Variants in AKAP10 observed in about 807,000 individuals in gnomAD.
AKAP10 encodes A-kinase anchor protein 10, mitochondrial.
A neutral mutation model predicts 80.8 loss-of-function variants in AKAP10; 24 were observed. The ratio of observed to expected loss-of-function variants is 0.30; its 90% confidence interval spans 0.22 to 0.42. AKAP10 has a LOEUF of 0.42. AKAP10 is among the 10% of genes least tolerant of loss of function. The pLI is 1.00. For synonymous variants in AKAP10, 291 were observed against 277.7 expected (o/e 1.05, Z -0.48); for missense variants, 661 against 794.9 (o/e 0.83, Z 2.03).
intron 5 of AKAP10, among the ~76,000 whole-genome samples, chr17:19,946,248 T>TA (rs1158994804): frequency 5.5e-5 from 1 of 18,170 alleles, no homozygotes; most frequent in African/African-American, 2.5e-4. Flanking sequence ...TATATATATA[T>TA]ATATATATAT....
chr17:19,918,928 T>G (rs1054879039), intron 12 of AKAP10, among the ~76,000 whole-genome samples: 5 of 152,244 alleles, frequency 3.3e-5, no homozygotes, highest in African/African-American at 7.2e-5. Flanking sequence ...TATATTTATT[T>G]TTTTTAAATT....
At chr17:19,932,008 G>T in intron 9 of AKAP10, 30 bp from the exon 10 acceptor site, 1 of 1,580,652 alleles carries the variant, frequency 6.3e-7, no homozygotes, top group Non-Finnish European at 8.6e-7. Flanking sequence ...TTATTTTAAA[G>T]TTGAAATCAA....
intron 12 of AKAP10, among the ~76,000 whole-genome samples, chr17:19,912,707 T>C (rs936016861): frequency 6.6e-6 from 1 of 152,158 alleles, no homozygotes; most frequent in African/African-American, 2.4e-5. Flanking sequence ...AGAGCAAGAC[T>C]GTCTCAAAAA....
intron 11 of AKAP10, 121 bp from the exon 12 acceptor site, chr17:19,920,239 C>T (rs2042795161): frequency 1.5e-6 from 1 of 662,458 alleles, no homozygotes; most frequent in Non-Finnish European, 2.6e-6. Flanking sequence ...TTATAGCTAT[C>T]CTAAGTAATT....
chr17:19,973,511 T>C (rs1363066208), intron 1 of AKAP10, among the ~76,000 whole-genome samples: 1 of 152,240 alleles, frequency 6.6e-6, no homozygotes, highest in East Asian at 1.9e-4. Flanking sequence ...CAGTCTATCT[T>C]TTCCCAACTA....
At chr17:19,908,801 G>A (rs1010139187) in intron 14 of AKAP10, among the ~76,000 whole-genome samples, 2 of 151,900 alleles carry the variant, frequency 1.3e-5, no homozygotes, top group South Asian at 2.1e-4. Flanking sequence ...CACCACACCC[G>A]GCTAAGACAG....
intron 12 of AKAP10, among the ~76,000 whole-genome samples, chr17:19,914,628 CAAAAAAAAAAAAAA>C (rs36071856): frequency 3.4e-5 from 2 of 58,514 alleles, no homozygotes; most frequent in Non-Finnish European, 6.5e-5. Context: ...GACCCTATCT[CAAAAAAAAAAAAAA>C]AAAAAAAAGA....
At chr17:19,932,108 C>T (rs1418475259) in intron 9 of AKAP10, 130 bp from the exon 10 acceptor site, 1 of 831,284 alleles carries the variant, frequency 1.2e-6, no homozygotes, top group Non-Finnish European at 1.8e-6. Flanking sequence ...GTTTTTACTT[C>T]TTGTTGTACT....
chr17:19,919,290 G>A (rs2042784909), intron 12 of AKAP10, among the ~76,000 whole-genome samples: 1 of 152,052 alleles, frequency 6.6e-6, no homozygotes, highest in Admixed American at 6.6e-5. Flanking sequence ...TATCCATGGT[G>A]TATATGTGCC....
At chr17:19,947,211 G>C in intron 5 of AKAP10, 196 bp downstream of exon 5, 1 of 548,906 alleles carries the variant, frequency 1.8e-6, no homozygotes, top group Non-Finnish European at 3.2e-6. Context: ...CCCAGGCAAA[G>C]ACCCTCGCAC....
At chr17:19,936,038 A>G in intron 9 of AKAP10, 1 of 337,026 alleles carries the variant, frequency 3.0e-6, no homozygotes, top group Non-Finnish European at 5.3e-6. Flanking sequence ...TTTTGTTATT[A>G]TTGCACTACC....
chr17:19,962,449 T>G (rs1179557067), intron 3 of AKAP10, among the ~76,000 whole-genome samples: 1 of 152,166 alleles, frequency 6.6e-6, no homozygotes, highest in Non-Finnish European at 1.5e-5. Flanking sequence ...CAGATTATAT[T>G]ATCACTAAAT....
At chr17:19,969,096 C>T (rs1014517279) in intron 1 of AKAP10, among the ~76,000 whole-genome samples, 1 of 152,180 alleles carries the variant, frequency 6.6e-6, no homozygotes, top group Non-Finnish European at 1.5e-5. Flanking sequence ...GTAATTCCAG[C>T]ACTTTGGGAT....
chr17:19,966,564 G>A (rs539671066), intron 2 of AKAP10, among the ~76,000 whole-genome samples: 1 of 132,112 alleles, frequency 7.6e-6, no homozygotes, highest in South Asian at 2.3e-4. Flanking sequence ...CATCTTGAGG[G>A]GCTGTTTCTT....
At chr17:19,921,731 C>T (rs532526344) in intron 11 of AKAP10, among the ~76,000 whole-genome samples, 2 of 151,624 alleles carry the variant, frequency 1.3e-5, no homozygotes, top group South Asian at 4.2e-4. Flanking sequence ...TACAAAGAAG[C>T]ATATAAAAAG....
intron 9 of AKAP10, among the ~76,000 whole-genome samples, chr17:19,933,454 CCTAA>C (rs1597501194): frequency 6.6e-6 from 1 of 152,098 alleles, no homozygotes; most frequent in East Asian, 1.9e-4. Flanking sequence ...TTTTTTCCTA[CCTAA>C]CTACCAGGGT....
chr17:19,952,393 G>A (rs1230813843), intron 4 of AKAP10, among the ~76,000 whole-genome samples: 2 of 151,868 alleles, frequency 1.3e-5, no homozygotes, highest in Non-Finnish European at 2.9e-5. Context: ...CAACCCAGGA[G>A]GTGGAGGTTG....
intron 6 of AKAP10, 51 bp downstream of exon 6, chr17:19,941,775 A>G (rs1401067240): frequency 7.1e-7 from 1 of 1,410,268 alleles, no homozygotes; most frequent in Middle Eastern, 1.8e-4. Flanking sequence ...ATTCCTAACA[A>G]TGAACCCAAA....
chr17:19,940,837 T>A (rs756336641), intron 7 of AKAP10, 50 bp downstream of exon 7: 7 of 1,529,760 alleles, frequency 4.6e-6, no homozygotes, highest in African/African-American at 2.8e-5. Flanking sequence ...GCATTGATAG[T>A]TAGAGGCTGG....
Sources: allele counts gnomAD v4.1 joint callset (sites outside exome capture counted in the v4.1 genomes callset), GRCh38; gene constraint gnomAD v4.1.1; transcripts MANE v1.5; gene names NCBI Gene and HGNC (gene_info 2026-07-23, HGNC 2026-07-21).